GOLGB1: variants seen among roughly 807,000 people sequenced by gnomAD.
The protein encoded by GOLGB1 is golgin subfamily B member 1.
A neutral mutation model predicts 336.9 loss-of-function variants in GOLGB1; 174 were observed. The ratio of observed to expected loss-of-function variants is 0.52; its 90% CI spans 0.46 to 0.59. The LOEUF is 0.59. Ranked by LOEUF, GOLGB1 falls within the 20% of genes least tolerant of loss-of-function variation. The pLI, the probability that GOLGB1 is intolerant of heterozygous loss-of-function variation, is 0.00. For missense variants in GOLGB1, 3,331 were observed against 3,645.3 expected (o/e 0.91, Z 2.22); for synonymous variants, 1,208 against 1,289.2 (o/e 0.94, Z 1.35).
intron 10 of GOLGB1, among the ~76,000 whole-genome samples, chr3:121,711,276 G>C (rs1024362092): frequency 6.7e-6 from 1 of 150,278 alleles, no homozygotes; most frequent in Non-Finnish European, 1.5e-5. Context: ...ACATAGCCTA[G>C]AAATATAAAA....
intron 4 of GOLGB1, 139 bp downstream of exon 4, chr3:121,729,049 C>T: frequency 1.8e-6 from 1 of 557,682 alleles, no homozygotes. Context: ...GAACTACAAG[C>T]TCTATAAGAA....
Position 121,691,417 on chromosome 3 carries a change from T to C in GOLGB1, c.7947A>G (p.Leu2649=), listed in dbSNP as rs1280678863. The C allele has an allele frequency of 6.2e-7, 1 of 1,613,806 alleles. No individual in the cohort carries two copies. The highest frequency in any genetic ancestry group is 8.5e-7 in the Non-Finnish European group (1 of 1,179,960). The change falls in exon 14 of 22, where the codon TTA becomes TTG. Residue 2649 remains leucine, a synonymous_variant. Transcript: ENST00000614479. ...LKVKEEEVHR[L]SALFSSSQKR... ...TTTGAGAGGAGGAAAACAAAGCACT[T>C]AACCTGTGTACCTCTTCTTCTTTTA...
At chr3:121,701,640 C>T (rs914707350) in intron 11 of GOLGB1, among the ~76,000 whole-genome samples, 2 of 152,116 alleles carry the variant, frequency 1.3e-5, no homozygotes, top group Non-Finnish European at 1.5e-5. Context: ...GAAGGAGACA[C>T]GTCTTCATTC....
In GOLGB1 at chr3:121,664,915, C is replaced by A. The variant is rs373959315; in HGVS notation, c.9660+11G>T. ...AATAAAACACCCTCTCTTTATCCTT[C>A]TTCCTCTTACCCTTCGACAACTGTT... On this transcript the variant is annotated intron_variant, in intron 21 of 21. Transcript: ENST00000614479. The A allele has an allele frequency of 4.2e-5, 63 of 1,492,914 alleles. No homozygotes were observed. The highest frequency in any genetic ancestry group is 5.9e-5 in the Non-Finnish European group (63 of 1,069,544). The allele number at this position is 1,492,914 out of a possible 1,614,324, so 92.5% of individuals were successfully genotyped here.
rs560339450 is a variant in GOLGB1, at chr3:121,741,748, T to C, written c.-3+7884A>G. 4.6e-4 allele frequency among the ~76,000 whole-genome samples: 65 copies of C among 142,768 alleles called. 1 individual carries two copies. The South Asian group carries it at 0.014, about 31-fold the overall frequency. The allele number at this position is 142,768 out of a possible 152,430, so 93.7% of individuals were successfully genotyped here. On this transcript the variant is annotated intron_variant, in intron 1 of 21. Transcript: ENST00000614479. ...TTTTATATTTGTTCACATATTTTCCTAGCTCTGTCCACCAAAAAGGCTTAA... is the reference window on the plus strand; with the variant it reads ...TTTTATATTTGTTCACATATTTTCCCAGCTCTGTCCACCAAAAAGGCTTAA...
chr3:121,683,689 C>A (rs1194011449), intron 14 of GOLGB1, among the ~76,000 whole-genome samples: 2 of 152,074 alleles, frequency 1.3e-5, no homozygotes, highest in Non-Finnish European at 2.9e-5. Flanking sequence ...AAGAGATTAT[C>A]AGGGGAGAAA....
intron 1 of GOLGB1, among the ~76,000 whole-genome samples, chr3:121,736,669 G>A (rs1028622706): frequency 3.3e-5 from 5 of 152,144 alleles, no homozygotes; most frequent in East Asian, 1.9e-4. Flanking sequence ...TTGGGAGGCC[G>A]AGGCAGGCAG....
In GOLGB1 at chr3:121,668,067, T is replaced by C; in HGVS notation, c.9413A>G (p.Gln3138Arg). ...KSDPEELREP[Q>R]QSFSEAQQQL... ...TAGAGAGCCACTCCCCTACCTTTGC[T>C]GCGGTTCCCTTAGTTCCTCAGGGTC... The change falls in exon 19 of 22, where the codon CAG (glutamine) becomes CGG (arginine). Residue 3138 changes from glutamine to arginine, a missense_variant. Physicochemically the swap from Gln to Arg is conservative, Grantham distance 43. Coordinates refer to ENST00000614479, the MANE Select transcript of GOLGB1 (RefSeq NM_001366282.2). The C allele has an allele frequency of 6.3e-7, 1 of 1,582,496 alleles. No homozygotes were observed. The highest frequency in any genetic ancestry group is 8.6e-7 in the Non-Finnish European group (1 of 1,158,106).
chr3:121,691,726 G>T lies in GOLGB1; in HGVS notation c.7638C>A (p.Asn2546Lys). ...GGCTGTCCTTTATTGTTATCACTTG[G>T]TTCAGGTCTTCTCTATATTGGATCA... is the stretch of plus-strand genomic sequence containing the variant. ...AELIQYREDL[N>K]QVITIKDSQQ... Residue 2546 changes from asparagine to lysine, a missense_variant, in exon 14 of 22, where the codon AAC (asparagine) becomes AAA (lysine). Asn to Lys is a moderately conservative substitution (Grantham distance 94). Coordinates refer to ENST00000614479, the MANE Select transcript of GOLGB1 (RefSeq NM_001366282.2). 1 of 1,613,466 alleles carries T rather than the reference G, an allele frequency of 6.2e-7. No individual in the cohort carries two copies. The highest frequency in any genetic ancestry group is 8.5e-7 in the Non-Finnish European group (1 of 1,179,826).
At chr3:121,698,988 A>T in intron 12 of GOLGB1, 59 bp from the exon 13 acceptor site, 1 of 1,288,840 alleles carries the variant, frequency 7.8e-7, no homozygotes, top group Non-Finnish European at 1.1e-6. Flanking sequence ...TTAAAAAAAT[A>T]GCCCAACTAA....
chr3:121,741,849 TAA>T (rs1946882582), intron 1 of GOLGB1, among the ~76,000 whole-genome samples: 1 of 152,198 alleles, frequency 6.6e-6, no homozygotes, highest in Admixed American at 6.5e-5. Context: ...TTCCCATTTT[TAA>T]AAAAGTTTTT....
chr3:121,746,451 C>G (rs1947287614), intron 1 of GOLGB1, among the ~76,000 whole-genome samples: 1 of 135,072 alleles, frequency 7.4e-6, no homozygotes, highest in South Asian at 2.3e-4. Context: ...TTATTTAACT[C>G]ACTTTATTTA....
At position 121,691,703 on chromosome 3, in the gene GOLGB1, C is replaced by T. The variant is rs1002340039; in HGVS notation, c.7661G>A (p.Ser2554Asn). Reference sequence around the variant, plus strand: ...AACTTCAAGAAGCTGCTTTTGTTGGCTGTCCTTTATTGTTATCACTTGGTT... The same window carrying T: ...AACTTCAAGAAGCTGCTTTTGTTGGTTGTCCTTTATTGTTATCACTTGGTT... ...DLNQVITIKD[S>N]QQKQLLEVQL... Residue 2554 changes from serine to asparagine, a missense_variant, in exon 14 of 22, where the codon AGC (serine) becomes AAC (asparagine). Transcript: ENST00000614479. 6.2e-7 allele frequency: 1 copy of T among 1,611,970 alleles called. No individual in the cohort carries two copies. The highest frequency in any genetic ancestry group is 8.5e-7 in the Non-Finnish European group (1 of 1,179,532).
intron 14 of GOLGB1, among the ~76,000 whole-genome samples, chr3:121,688,740 G>A (rs1942063587): frequency 6.6e-6 from 1 of 151,740 alleles, no homozygotes; most frequent in African/African-American, 2.4e-5. Flanking sequence ...TAGGAAGTGA[G>A]GAGCGTCTCT....
chr3:121,743,864 C>T (rs1267112651), intron 1 of GOLGB1, among the ~76,000 whole-genome samples: 4 of 152,106 alleles, frequency 2.6e-5, no homozygotes, highest in Non-Finnish European at 4.4e-5. Context: ...CTGATGACAA[C>T]ATTCTAATAA....
intron 1 of GOLGB1, among the ~76,000 whole-genome samples, chr3:121,733,363 T>C (rs1946256948): frequency 1.4e-5 from 2 of 144,164 alleles, no homozygotes; most frequent in African/African-American, 5.1e-5. Flanking sequence ...CCAATAAGAA[T>C]ACCATTTACA....
chr3:121,747,094 T>C (rs528025512), intron 1 of GOLGB1, among the ~76,000 whole-genome samples: 61 of 143,848 alleles, frequency 4.2e-4, no homozygotes, highest in Middle Eastern at 3.7e-3. Flanking sequence ...TAATTCCATA[T>C]TGTTTATACC....
At chr3:121,689,048 C>T (rs1256393528) in intron 14 of GOLGB1, among the ~76,000 whole-genome samples, 13 of 149,604 alleles carry the variant, frequency 8.7e-5, no homozygotes, top group South Asian at 6.4e-4. Flanking sequence ...CCAGCCGCCC[C>T]GTCCGGGAGG....
Position 121,691,814 on chromosome 3 carries a change from A to G in GOLGB1, c.7550T>C (p.Ile2517Thr), listed in dbSNP as rs1227573660. The change falls in exon 14 of 22, where the codon ATA (isoleucine) becomes ACA (threonine). Residue 2517 changes from isoleucine (I) to threonine (T), a missense_variant. Transcript: ENST00000614479. ...AAENNKLKEE[I>T]RGLRSHMDDL... is the part of the protein sequence containing the mutation. ...ATCCATATGACTTCTCAAGCCTCGT[A>G]TTTCTTCTTTAAGCTTATTATTCTC... The G allele has an allele frequency of 2.5e-6, 4 of 1,613,554 alleles. No individual in the cohort carries two copies. The highest frequency in any genetic ancestry group is 3.3e-5 in the Admixed American group (2 of 59,958).
Sources: allele counts gnomAD v4.1 joint callset (sites outside exome capture counted in the v4.1 genomes callset), GRCh38; gene constraint gnomAD v4.1.1; transcripts MANE v1.5; gene names NCBI Gene and HGNC (gene_info 2026-07-23, HGNC 2026-07-21).